Variants in AAMP observed in about 807,000 individuals in gnomAD.
The protein encoded by AAMP is angio associated migratory cell protein.
AAMP carries 12 observed loss-of-function variants against 51.1 expected under a neutral mutation model. The ratio of observed to expected loss-of-function variants is 0.23; its 90% CI spans 0.15 to 0.38. The LOEUF (loss-of-function observed/expected upper bound fraction) is 0.38, where lower values mean the gene tolerates loss of function less well. AAMP is among the 10% of genes least tolerant of loss of function. The pLI is 1.00. For synonymous variants in AAMP, 210 were observed against 218.7 expected (o/e 0.96, Z 0.35); for missense variants, 418 against 557.2 (o/e 0.75, Z 2.52).
intron 10 of AAMP, 75 bp from the exon 11 acceptor site, chr2:218,264,683 C>T: frequency 5.5e-6 from 7 of 1,277,118 alleles, no homozygotes; most frequent in Non-Finnish European, 6.9e-6. Context: ...GGGTGGGCTC[C>T]TCCAGCACAC....
Position 218,264,209 on chromosome 2 carries a change from A to C in AAMP, c.*324T>G. Reference sequence around the variant, plus strand: ...CCTTTCCACCCCCAGAGACTTGGGAAGGGAAAGAACGGGAACCTCAAACAC... The same window carrying C: ...CCTTTCCACCCCCAGAGACTTGGGACGGGAAAGAACGGGAACCTCAAACAC... On this transcript the variant is annotated 3_prime_UTR_variant, in exon 11 of 11. Transcript: ENST00000248450. The C allele has an allele frequency of 2.6e-6, 1 of 390,588 alleles. No homozygotes were observed. The highest frequency in any genetic ancestry group is 4.6e-6 in the Non-Finnish European group (1 of 215,880). The allele number at this position is 390,588 out of a possible 1,614,324, so 24.2% of individuals were successfully genotyped here. A position where few individuals can be genotyped will look rare whatever the true frequency, so the allele number is the denominator to read the frequency against.
At chr2:218,264,961 A>T in intron 10 of AAMP, 59 bp downstream of exon 10, 8 of 1,607,456 alleles carry the variant, frequency 5.0e-6, no homozygotes, top group Non-Finnish European at 6.8e-6. Context: ...TGTGTCCCCT[A>T]CATACTACTG....
chr2:218,264,388 G>A lies in AAMP; in HGVS notation c.*145C>T. On this transcript the variant is annotated 3_prime_UTR_variant, in exon 11 of 11. Coordinates refer to ENST00000248450, the MANE Select transcript of AAMP (RefSeq NM_001087.5). Reference sequence around the variant, plus strand: ...GTCTCTAAAGAGAAGAAAAGGAGAGGGGAGCAAGTCAGTTGAAGAGGCTGG... The same window carrying A: ...GTCTCTAAAGAGAAGAAAAGGAGAGAGGAGCAAGTCAGTTGAAGAGGCTGG... 1 of 777,252 alleles carries A rather than the reference G, an allele frequency of 1.3e-6. No homozygotes were observed. The highest frequency in any genetic ancestry group is 2.2e-6 in the Non-Finnish European group (1 of 456,272). The allele number at this position is 777,252 out of a possible 1,614,324, so 48.1% of individuals were successfully genotyped here.
At position 218,267,268 on chromosome 2, in the gene AAMP, T is replaced by G; in HGVS notation, c.394+226A>C. 4.3e-6 allele frequency: 3 copies of G among 694,040 alleles called. No homozygotes were observed. Among genetic ancestry groups the G allele is most frequent in the Non-Finnish European group, 7.1e-6 (3 of 419,714 alleles). The allele number at this position is 694,040 out of a possible 1,614,324, so 43.0% of individuals were successfully genotyped here. Reference sequence around the variant, plus strand: ...CTCTGCCCGCCTGCTCCTATACCAATGTGGCCTTCTCTGGCCTTTCCTGGA... The same window carrying G: ...CTCTGCCCGCCTGCTCCTATACCAAGGTGGCCTTCTCTGGCCTTTCCTGGA... On this transcript the variant is annotated intron_variant, in intron 3 of 10. Transcript: ENST00000248450. This position sits in a 1 kb window ranked among gnomAD's most constrained non-coding sequence, Gnocchi z 4.6.
rs1420674206 is a variant in AAMP at position 218,267,717 on chromosome 2, T to C, written c.275-104A>G. ...CACCCCCTTTCACCCAAAGCGTGTCTTTCCTCCTGGAAAACACAGGTACAT... is the reference window on the plus strand; with the variant it reads ...CACCCCCTTTCACCCAAAGCGTGTCCTTCCTCCTGGAAAACACAGGTACAT... On this transcript the variant is annotated intron_variant, in intron 2 of 10. Transcript: ENST00000248450. The surrounding 1 kb of genome is among the most constrained non-coding windows in gnomAD (Gnocchi z 4.6). 2.1e-6 allele frequency: 3 copies of C among 1,451,094 alleles called. No individual in the cohort carries two copies. The highest frequency in any genetic ancestry group is 9.5e-7 in the Non-Finnish European group (1 of 1,051,812). 89.9% of individuals were successfully genotyped at this position (1,451,094 alleles called of 1,614,324 possible).
chr2:218,267,604 AAC>A lies in AAMP; in HGVS notation c.282_283del (p.Phe95LeufsTer17). 1 of 1,613,994 alleles carries A rather than the reference AAC, an allele frequency of 6.2e-7. No individual in the cohort carries two copies. The highest frequency in any genetic ancestry group is 8.5e-7 in the Non-Finnish European group (1 of 1,179,994). ...GGTCTTGGGGTCCAGGCTCACACAA[AAC>A]ACAGATGCTGTCCCAAGAGATATTC... On this transcript the variant is annotated frameshift_variant, in exon 3 of 11. Transcript: ENST00000248450. LOFTEE classifies it high-confidence loss of function. The surrounding 1 kb of genome is among the most constrained non-coding windows in gnomAD (Gnocchi z 4.6).
chr2:218,269,187 T>C (rs761790829), intron 2 of AAMP, among the ~76,000 whole-genome samples, 195 bp downstream of exon 2: 1 of 152,236 alleles, frequency 6.6e-6, no homozygotes, highest in Non-Finnish European at 1.5e-5. Context: ...ACTGGCAAAG[T>C]AGAGGGTGTC....
In AAMP at chr2:218,265,817, C is replaced by G; in HGVS notation, c.879+14G>C. The G allele has an allele frequency of 6.2e-7, 1 of 1,606,406 alleles. No homozygotes were observed. The highest frequency in any genetic ancestry group is 8.5e-7 in the Non-Finnish European group (1 of 1,174,596). On this transcript the variant is annotated intron_variant, in intron 7 of 10. Coordinates refer to ENST00000248450, the MANE Select transcript of AAMP (RefSeq NM_001087.5). This position sits in a 1 kb window ranked among gnomAD's most constrained non-coding sequence, Gnocchi z 6.6. ...GGAAAGCGGAGGCCCCAGCCGGGCT[C>G]CAGGTCCACTCACCTTGCCGGTGGT...
In AAMP at chr2:218,267,537, G is replaced by T; in HGVS notation, c.351C>A (p.Phe117Leu). The change falls in exon 3 of 11, where the codon TTC becomes TTA. Residue 117 changes from phenylalanine (F) to leucine (L), a missense_variant. Coordinates refer to ENST00000248450, the MANE Select transcript of AAMP (RefSeq NM_001087.5). This position sits in a 1 kb window ranked among gnomAD's most constrained non-coding sequence, Gnocchi z 4.6. ...AVTGGEDDKA[F>L]VWRLSDGELL... ...GCTCCCCATCGCTGAGCCGCCATAC[G>T]AAGGCTTTGTCATCTTCACCCCCGG... 1 of 1,614,074 alleles carries T rather than the reference G, an allele frequency of 6.2e-7. No homozygotes were observed. The highest frequency in any genetic ancestry group is 8.5e-7 in the Non-Finnish European group (1 of 1,180,034).
At chr2:218,269,316 T>C (rs929751563) in intron 2 of AAMP, 66 bp downstream of exon 2, 13 of 1,594,994 alleles carry the variant, frequency 8.2e-6, no homozygotes, top group Non-Finnish European at 8.6e-6. Context: ...GTTCTGTCCA[T>C]GGCTGATGTT....
intron 10 of AAMP, 55 bp from the exon 11 acceptor site, chr2:218,264,663 A>C: frequency 6.6e-7 from 1 of 1,519,798 alleles, no homozygotes; most frequent in Non-Finnish European, 9.1e-7. Context: ...CCCACCACCT[A>C]GGGGCCCTAG....
rs140247601 is a variant in AAMP, at chr2:218,267,958, GGTTTTTT to G, written c.275-352_275-346del. ...AGAGCGAGGAGAGCATCACGTTAAG[GGTTTTTT>G]GTTTTTTGTTTTTTGTTTTTTGAGA... On this transcript the variant is annotated intron_variant, in intron 2 of 10. Coordinates refer to ENST00000248450, the MANE Select transcript of AAMP (RefSeq NM_001087.5). This position sits in a 1 kb window ranked among gnomAD's most constrained non-coding sequence, Gnocchi z 4.6. Among the ~76,000 whole-genome samples the G allele has an allele frequency of 0.02, 2,976 of 152,002 alleles. 77 individuals are homozygous for G. The highest frequency in any genetic ancestry group is 0.059 in the African/African-American group (2,448 of 41,436).
Position 218,265,715 on chromosome 2 carries a change from G to A in AAMP, c.880-33C>T, listed in dbSNP as rs751497393. On this transcript the variant is annotated intron_variant, in intron 7 of 10. Coordinates refer to ENST00000248450, the MANE Select transcript of AAMP (RefSeq NM_001087.5). This position sits in a 1 kb window ranked among gnomAD's most constrained non-coding sequence, Gnocchi z 6.6. ...CCAGAGAGGATCAGAGGAGGACACG[G>A]AATCCGGGTGCTTGATGGAGAGAAA... 1.2e-6 allele frequency: 2 copies of A among 1,600,408 alleles called. No homozygotes were observed. Among genetic ancestry groups the A allele is most frequent in the Non-Finnish European group, 8.5e-7 (1 of 1,170,278 alleles).
chr2:218,267,433 G>C lies in AAMP; in HGVS notation c.394+61C>G. On this transcript the variant is annotated intron_variant, in intron 3 of 10. Coordinates refer to ENST00000248450, the MANE Select transcript of AAMP (RefSeq NM_001087.5). This position sits in a 1 kb window ranked among gnomAD's most constrained non-coding sequence, Gnocchi z 4.6. ...TTGGATGCACAACCTCTGCAGGTCA[G>C]CCTCCTAAGATCTCCCAAAAGAATA... 6 of 1,598,804 alleles carry C rather than the reference G, an allele frequency of 3.8e-6. No individual in the cohort carries two copies. Among genetic ancestry groups the C allele is most frequent in the South Asian group, 3.3e-5 (3 of 90,060 alleles).
In AAMP at chr2:218,265,718, T is replaced by C; in HGVS notation, c.880-36A>G. The C allele has an allele frequency of 1.2e-6, 2 of 1,600,414 alleles. No homozygotes were observed. The highest frequency in any genetic ancestry group is 2.2e-5 in the East Asian group (1 of 44,814). ...GAGAGGATCAGAGGAGGACACGGAA[T>C]CCGGGTGCTTGATGGAGAGAAAGAC... On this transcript the variant is annotated intron_variant, in intron 7 of 10. Transcript: ENST00000248450. The surrounding 1 kb of genome is among the most constrained non-coding windows in gnomAD (Gnocchi z 6.6).
chr2:218,269,720 G>A, intron 1 of AAMP, 186 bp from the exon 2 acceptor site: 1 of 1,098,582 alleles, frequency 9.1e-7, no homozygotes, highest in South Asian at 1.4e-5. Flanking sequence ...GAGACCGTGC[G>A]GTAAGGGAGG....
chr2:218,269,886 AG>A (rs1690750173), intron 1 of AAMP, 79 bp downstream of exon 1: 4 of 1,591,178 alleles, frequency 2.5e-6, no homozygotes, highest in Admixed American at 1.7e-5. Context: ...TCGGGTGTGG[AG>A]GGGAGCGGGG....
At position 218,269,997 on chromosome 2, in the gene AAMP, C is replaced by T. The variant is rs745634339; in HGVS notation, c.90G>A (p.Val30=). 2 of 1,614,142 alleles carry T rather than the reference C, an allele frequency of 1.2e-6. No homozygotes were observed. Among genetic ancestry groups the T allele is most frequent in the Non-Finnish European group, 8.5e-7 (1 of 1,180,012 alleles). Reference sequence around the variant, plus strand: ...CCGGCGGACCGGGATCAAGTTCTACCACCTCGATAATCTCTTCATCACCAT... The same window carrying T: ...CCGGCGGACCGGGATCAAGTTCTACTACCTCGATAATCTCTTCATCACCAT... ...SFHGDEEIIE[V]VELDPGPPDP... Residue 30 remains valine (V), a synonymous_variant, in exon 1 of 11, where the codon GTG becomes GTA. Transcript: ENST00000248450.
In AAMP at chr2:218,265,432, T is replaced by C. The variant is rs1439261875; in HGVS notation, c.1013A>G (p.Asp338Gly). 2 of 1,565,970 alleles carry C rather than the reference T, an allele frequency of 1.3e-6. No individual in the cohort carries two copies. Among genetic ancestry groups the C allele is most frequent in the East Asian group, 2.4e-5 (1 of 42,286 alleles). ...CAGGTCATAGATGGCCAAGGTCCCA[T>C]CCAGGTAGCCAACAGCTGCCAGGGG... ...VMPLAAVGYL[D>G]GTLAIYDLAT... The change falls in exon 9 of 11, where the codon GAT (aspartate) becomes GGT (glycine). Residue 338 changes from aspartate (D) to glycine (G), a missense_variant. By Grantham distance (94) the Asp-to-Gly change is moderately conservative. Coordinates refer to ENST00000248450, the MANE Select transcript of AAMP (RefSeq NM_001087.5). The surrounding 1 kb of genome is among the most constrained non-coding windows in gnomAD (Gnocchi z 6.6).
Sources: allele counts gnomAD v4.1 joint callset (sites outside exome capture counted in the v4.1 genomes callset), GRCh38; gene constraint gnomAD v4.1.1; non-coding constraint Gnocchi (gnomAD v3.1); transcripts MANE v1.5; gene names NCBI Gene and HGNC (gene_info 2026-07-23, HGNC 2026-07-21).